Variants in GRIK4 observed in about 807,000 individuals in gnomAD.
GRIK4 encodes the protein glutamate ionotropic receptor kainate type subunit 4.
A neutral mutation model predicts 104.9 loss-of-function variants in GRIK4; 40 were observed. The observed-to-expected ratio is 0.38, with a 90% CI of 0.30 to 0.50. The LOEUF (loss-of-function observed/expected upper bound fraction) is 0.50, where lower values mean the gene tolerates loss of function less well. Ranked by LOEUF, GRIK4 falls within the 20% of genes least tolerant of loss-of-function variation. GRIK4 has a pLI of 0.93. For synonymous variants in GRIK4, 485 were observed against 524.9 expected, an observed-to-expected ratio of 0.92 and a Z score of 1.04; for missense variants, 1,047 against 1,308.1, an observed-to-expected ratio of 0.80 and a Z score of 3.08.
intron 4 of GRIK4, among the ~76,000 whole-genome samples, chr11:120,814,458 G>T (rs562717921): frequency 3.9e-5 from 6 of 152,148 alleles, no homozygotes; most frequent in Non-Finnish European, 8.8e-5. Context: ...AAATTAGCCA[G>T]GCGTGGTGGT....
At chr11:120,706,592 A>G (rs1950633513) in intron 3 of GRIK4, among the ~76,000 whole-genome samples, 1 of 152,172 alleles carries the variant, frequency 6.6e-6, no homozygotes, top group African/African-American at 2.4e-5. Flanking sequence ...CTGACATTTT[A>G]GGGGCACAGG....
chr11:120,863,660 T>C (rs947814653), intron 9 of GRIK4, among the ~76,000 whole-genome samples: 1 of 152,230 alleles, frequency 6.6e-6, no homozygotes, highest in Non-Finnish European at 1.5e-5. Flanking sequence ...TGGTGAGTTT[T>C]TAAAATAGGA....
At chr11:120,981,063 C>T (rs573753560) in intron 19 of GRIK4, among the ~76,000 whole-genome samples, 2 of 152,274 alleles carry the variant, frequency 1.3e-5, no homozygotes, top group South Asian at 4.1e-4. Context: ...ACTGACTGAA[C>T]ATTCAGATGT....
At chr11:120,857,448 G>T (rs1386087174) in intron 8 of GRIK4, among the ~76,000 whole-genome samples, 2 of 151,860 alleles carry the variant, frequency 1.3e-5, no homozygotes, top group Non-Finnish European at 2.9e-5. Flanking sequence ...ATAGCTATTT[G>T]GACCCTTACA....
chr11:120,652,373 C>T (rs1236960705), intron 1 of GRIK4, among the ~76,000 whole-genome samples: 1 of 152,150 alleles, frequency 6.6e-6, no homozygotes, highest in African/African-American at 2.4e-5. Context: ...AGTCTTGCAT[C>T]CTGGCATCTC....
intron 15 of GRIK4, among the ~76,000 whole-genome samples, chr11:120,955,936 A>G (rs1182786063): frequency 1.3e-5 from 2 of 151,984 alleles, no homozygotes; most frequent in Non-Finnish European, 2.9e-5. Context: ...CATCATCTGG[A>G]AACTTGGGAA....
At position 120,897,550 on chromosome 11, in the gene GRIK4, C is replaced by T. The variant is rs971858770; in HGVS notation, c.1165-982C>T. Among the ~76,000 whole-genome samples the T allele has an allele frequency of 3.4e-5, 4 of 118,354 alleles. No homozygotes were observed. In the Admixed American group the frequency reaches 3.5e-4, roughly 10 times the overall value. The allele number at this position is 118,354 out of a possible 152,430, so 77.6% of individuals were successfully genotyped here. A position where few individuals can be genotyped will look rare whatever the true frequency, so the allele number is the denominator to read the frequency against. On this transcript the variant is annotated intron_variant, in intron 11 of 20. Coordinates refer to ENST00000527524, the MANE Select transcript of GRIK4 (RefSeq NM_014619.5). Reference sequence around the variant, plus strand: ...TCGGGAGGCAGAGGTTGCAATGAGCCGAGATCGCACAACTAGACTCTAGCC... The same window carrying T: ...TCGGGAGGCAGAGGTTGCAATGAGCTGAGATCGCACAACTAGACTCTAGCC...
chr11:120,558,574 C>A (rs972346007), intron 1 of GRIK4, among the ~76,000 whole-genome samples: 12 of 152,252 alleles, frequency 7.9e-5, no homozygotes, highest in African/African-American at 2.9e-4. Flanking sequence ...GGCGACAGAG[C>A]GAGACTCCGT....
At position 120,980,239 on chromosome 11, in the gene GRIK4, C is replaced by T. The variant is rs1054649016; in HGVS notation, c.2396-1867C>T. 5.3e-5 allele frequency among the ~76,000 whole-genome samples: 8 copies of T among 152,324 alleles called. No homozygotes were observed. The South Asian group carries it at 6.2e-4, about 12-fold the overall frequency. ...GGACTCCAGTTACCTGAGCAGGTGGCCATCCTTCATGTCACCATTGTCATT... is the reference window on the plus strand; with the variant it reads ...GGACTCCAGTTACCTGAGCAGGTGGTCATCCTTCATGTCACCATTGTCATT... On this transcript the variant is annotated intron_variant, in intron 19 of 20. Transcript: ENST00000527524.
chr11:120,645,271 C>T (rs1271634438), intron 1 of GRIK4, among the ~76,000 whole-genome samples: 2 of 152,220 alleles, frequency 1.3e-5, no homozygotes, highest in African/African-American at 2.4e-5. Context: ...GGGCCTCGTT[C>T]CTTGACTGTG....
intron 7 of GRIK4, among the ~76,000 whole-genome samples, chr11:120,835,229 A>G (rs55966937): frequency 0.19 from 29,196 of 152,196 alleles, 2,899 homozygotes; most frequent in Middle Eastern, 0.24. Context: ...AAGTGTTCCT[A>G]TAAGAATCCT....
At chr11:120,962,364 GGCATCTTAAGGT>G in intron 17 of GRIK4, 80 bp from the exon 18 acceptor site, 1 of 778,830 alleles carries the variant, frequency 1.3e-6, no homozygotes. Context: ...CAGAAGGGCC[GGCATCTTAAGGT>G]GCACTTTGAT....
At chr11:120,541,116 C>T (rs558096629) in intron 1 of GRIK4, among the ~76,000 whole-genome samples, 1 of 152,386 alleles carries the variant, frequency 6.6e-6, no homozygotes, top group Non-Finnish European at 1.5e-5. Context: ...CCGGAATGTG[C>T]TGTGCTAGTT....
intron 5 of GRIK4, among the ~76,000 whole-genome samples, chr11:120,816,811 T>C (rs1389960432): frequency 4.6e-5 from 7 of 152,148 alleles, no homozygotes; most frequent in Admixed American, 3.3e-4. Flanking sequence ...GGCCTCTCTC[T>C]GTAGGCTGTA....
At chr11:120,920,343 G>A (rs1037970897) in intron 13 of GRIK4, among the ~76,000 whole-genome samples, 1 of 151,898 alleles carries the variant, frequency 6.6e-6, no homozygotes, top group Non-Finnish European at 1.5e-5. Context: ...CTCCTCTTCT[G>A]GCCTGGAGCT....
At chr11:120,960,183 G>T (rs935675067) in intron 16 of GRIK4, among the ~76,000 whole-genome samples, 6 of 152,288 alleles carry the variant, frequency 3.9e-5, no homozygotes, top group Admixed American at 3.9e-4. Context: ...ACAAAAATTT[G>T]CTGGGCATGG....
At chr11:120,867,350 T>C (rs1954448988) in intron 9 of GRIK4, among the ~76,000 whole-genome samples, 1 of 152,092 alleles carries the variant, frequency 6.6e-6, no homozygotes, top group African/African-American at 2.4e-5. Flanking sequence ...AGGGAGTCAG[T>C]TCCAGGAAAA....
rs536558955 is a variant in GRIK4, at chr11:120,985,958, G to A, written c.2569G>A (p.Asp857Asn). ...GCTGCGCAGCATTATCCTGTGTCAGGACAGTATCCACCCCCGCCGGCGGCG... is the reference window on the plus strand; with the variant it reads ...GCTGCGCAGCATTATCCTGTGTCAGAACAGTATCCACCCCCGCCGGCGGCG... ...TELRSIILCQDSIHPRRRRAA... is the reference protein window; with the variant it reads ...TELRSIILCQNSIHPRRRRAA... Residue 857 changes from aspartate (D) to asparagine (N), a missense_variant, in exon 21 of 21, where the codon GAC (aspartate) becomes AAC (asparagine). Physicochemically the swap from Asp to Asn is conservative, Grantham distance 23 (BLOSUM62 1). Coordinates refer to ENST00000527524, the MANE Select transcript of GRIK4 (RefSeq NM_014619.5). 185 of 1,544,046 alleles carry A rather than the reference G, an allele frequency of 1.2e-4. 6 individuals are homozygous for A. The East Asian group carries it at 2.8e-3, about 24-fold the overall frequency.
At chr11:120,820,109 G>A (rs1953072396) in intron 6 of GRIK4, among the ~76,000 whole-genome samples, 189 bp downstream of exon 6, 2 of 151,882 alleles carry the variant, frequency 1.3e-5, no homozygotes. Flanking sequence ...GTGTGTGTGT[G>A]TGTGTGTTTA....
Sources: allele counts gnomAD v4.1 joint callset (sites outside exome capture counted in the v4.1 genomes callset), GRCh38; gene constraint gnomAD v4.1.1; transcripts MANE v1.5; gene names NCBI Gene and HGNC (gene_info 2026-07-23, HGNC 2026-07-21).